Variants in ARNT observed in about 807,000 individuals in gnomAD.
ARNT encodes the protein class E basic helix-loop-helix protein 2.
A neutral mutation model predicts 105.0 loss-of-function variants in ARNT; 30 were observed. The observed-to-expected ratio is 0.29, with a 90% CI of 0.21 to 0.39. The LOEUF (loss-of-function observed/expected upper bound fraction) is 0.39, where lower values mean the gene tolerates loss of function less well. ARNT is among the 10% of genes least tolerant of loss of function. The probability of loss-of-function intolerance (pLI) is 1.00; values close to 1 mark genes in which losing one functional copy is unlikely to be tolerated. For missense variants in ARNT, 748 were observed against 978.7 expected (o/e 0.76, Z 3.15); for synonymous variants, 304 against 344.0 (o/e 0.88, Z 1.29).
At chr1:150,820,371 A>G (rs1656795354) in intron 14 of ARNT, among the ~76,000 whole-genome samples, 1 of 152,220 alleles carries the variant, frequency 6.6e-6, no homozygotes, top group African/African-American at 2.4e-5. Flanking sequence ...TGTTTGTAAA[A>G]TCTTACTCTG....
At chr1:150,834,778 G>C (rs987611171) in intron 7 of ARNT, 138 bp from the exon 8 acceptor site, 2 of 600,882 alleles carry the variant, frequency 3.3e-6, no homozygotes, top group African/African-American at 1.8e-5. Flanking sequence ...TGACCAAGCA[G>C]GAGATGAATT....
intron 1 of ARNT, among the ~76,000 whole-genome samples, chr1:150,873,337 CAT>C (rs1472086374): frequency 6.6e-6 from 1 of 151,498 alleles, no homozygotes; most frequent in Non-Finnish European, 1.5e-5. Flanking sequence ...TTGTCTAGTC[CAT>C]AGATAAGAAA....
At chr1:150,820,841 G>C (rs951667748) in intron 14 of ARNT, among the ~76,000 whole-genome samples, 2 of 152,146 alleles carry the variant, frequency 1.3e-5, no homozygotes, top group African/African-American at 2.4e-5. Flanking sequence ...CCCAACATTG[G>C]AAAATGCCTA....
intron 1 of ARNT, chr1:150,861,388 G>C (rs1665609203): frequency 6.6e-6 from 2 of 301,520 alleles, no homozygotes; most frequent in Non-Finnish European, 1.3e-5. Context: ...CCACCTCTGG[G>C]TATATACCTG....
chr1:150,829,377 G>C, intron 11 of ARNT, 150 bp from the exon 12 acceptor site: 1 of 814,366 alleles, frequency 1.2e-6, no homozygotes, highest in Non-Finnish European at 1.9e-6. Context: ...AAAAAAAAAT[G>C]ACAATCACAA....
At chr1:150,835,552 T>C (rs1660164264) in intron 7 of ARNT, among the ~76,000 whole-genome samples, 1 of 152,150 alleles carries the variant, frequency 6.6e-6, no homozygotes, top group African/African-American at 2.4e-5. Flanking sequence ...CAGTAAGCTA[T>C]GATGTGCCAC....
chr1:150,816,397 G>A lies in ARNT; in HGVS notation c.1812C>T (p.Gly604=). Residue 604 remains glycine, a synonymous_variant, in exon 19 of 22, where the codon GGC becomes GGT. Transcript: ENST00000358595. ...PRPAENFRNS[G]LAPPVTIVQP... ...GGACAATGGTTACAGGAGGGGCTAG[G>A]CCACTATTCCTAGGAGTGAATAAAT... 1 of 1,604,554 alleles carries A rather than the reference G, an allele frequency of 6.2e-7. No individual in the cohort carries two copies. Among genetic ancestry groups the A allele is most frequent in the Non-Finnish European group, 8.5e-7 (1 of 1,177,470 alleles).
chr1:150,860,360 C>T (rs1305319755), intron 1 of ARNT, among the ~76,000 whole-genome samples: 1 of 150,802 alleles, frequency 6.6e-6, no homozygotes, highest in Non-Finnish European at 1.5e-5. Flanking sequence ...GGATTACAGG[C>T]ACGCACCACC....
At chr1:150,851,271 T>A (rs1557928614) in intron 3 of ARNT, among the ~76,000 whole-genome samples, 2 of 146,690 alleles carry the variant, frequency 1.4e-5, no homozygotes, top group African/African-American at 2.6e-5. Flanking sequence ...CGCCGCCCCG[T>A]CCGGGAGGTG....
chr1:150,865,483 C>G (rs1666413689), intron 1 of ARNT, among the ~76,000 whole-genome samples: 1 of 152,158 alleles, frequency 6.6e-6, no homozygotes, highest in East Asian at 1.9e-4. Flanking sequence ...CCAGGTAACT[C>G]TGGGTATGCA....
chr1:150,838,414 C>T (rs1199859172), intron 6 of ARNT, among the ~76,000 whole-genome samples: 2 of 152,176 alleles, frequency 1.3e-5, no homozygotes, highest in South Asian at 2.1e-4. Flanking sequence ...TTCTATTTCT[C>T]ACAGCACAAC....
chr1:150,810,190 A>G lies in ARNT; in HGVS notation c.*1831T>C, dbSNP rs1292611006. The stretch of plus-strand genomic sequence containing the variant: ...TAGCACAGATGCCAGCAATACAGAA[A>G]TGGCCAACAAGAAAACAAAACAGTC... On this transcript the variant is annotated 3_prime_UTR_variant, in exon 22 of 22. Transcript: ENST00000358595. The G allele has an allele frequency of 4.3e-6, 1 of 231,468 alleles. No individual in the cohort carries two copies. The highest frequency in any genetic ancestry group is 2.2e-5 in the African/African-American group (1 of 45,188). The allele number at this position is 231,468 out of a possible 1,614,324, so 14.3% of individuals were successfully genotyped here.
At chr1:150,834,928 C>A in intron 7 of ARNT, 1 of 337,392 alleles carries the variant, frequency 3.0e-6, no homozygotes, top group Non-Finnish European at 5.8e-6. Flanking sequence ...GCTATATTCT[C>A]ATAGCTGATT....
intron 4 of ARNT, among the ~76,000 whole-genome samples, chr1:150,843,404 A>T (rs1661614962): frequency 6.6e-6 from 1 of 152,252 alleles, no homozygotes; most frequent in South Asian, 2.1e-4. Context: ...TAAGTATGAC[A>T]GGTTAACAAG....
At chr1:150,860,496 A>G (rs1358836334) in intron 1 of ARNT, among the ~76,000 whole-genome samples, 1 of 151,670 alleles carries the variant, frequency 6.6e-6, no homozygotes, top group African/African-American at 2.4e-5. Flanking sequence ...GATTACAGGC[A>G]TGAGCCACCG....
Position 150,839,478 on chromosome 1 carries a change from G to A in ARNT, c.449C>T (p.Thr150Ile), listed in dbSNP as rs369482161. 1 of 1,614,208 alleles carries A rather than the reference G, an allele frequency of 6.2e-7. No individual in the cohort carries two copies. The highest frequency in any genetic ancestry group is 1.6e-4 in the Middle Eastern group (1 of 6,062). The change falls in exon 6 of 22, where the codon ACT becomes ATT. Residue 150 changes from threonine (T) to isoleucine (I), a missense_variant. Physicochemically the swap from Thr to Ile is moderately conservative, Grantham distance 89. Around this residue, in one of 4 missense-constraint regions of ARNT, gnomAD observed 291 missense variants for 444.6 expected, o/e 0.65. Coordinates refer to ENST00000358595, the MANE Select transcript of ARNT (RefSeq NM_001668.4). ...GAAAGACGGCTTATAGGAGCCATCA[G>A]TGGATGTGTTGCCAGTTCCCCGCAA... ...KSLRGTGNTS[T>I]DGSYKPSFLT...
At chr1:150,855,281 G>A (rs1220458418) in intron 2 of ARNT, among the ~76,000 whole-genome samples, 12 of 152,176 alleles carry the variant, frequency 7.9e-5, no homozygotes, top group African/African-American at 1.9e-4. Flanking sequence ...ATGGCTGTGC[G>A]CAGTGGCTCA....
intron 19 of ARNT, among the ~76,000 whole-genome samples, chr1:150,814,494 T>C (rs1185737861): frequency 6.6e-6 from 1 of 152,228 alleles, no homozygotes; most frequent in Non-Finnish European, 1.5e-5. Context: ...GAAAGCATCT[T>C]ATAAACTGTG....
chr1:150,840,987 C>T (rs1342523575), intron 5 of ARNT, among the ~76,000 whole-genome samples: 9 of 122,208 alleles, frequency 7.4e-5, no homozygotes, highest in Non-Finnish European at 1.3e-4. Flanking sequence ...CTTGCTCTGT[C>T]ACCCAGGCTG....
Sources: gnomAD v4.1 joint callset for allele counts (sites outside exome capture counted in the v4.1 genomes callset) on GRCh38, gnomAD v4.1.1 for gene constraint, gnomAD v4.1.1 regional missense constraint, MANE v1.5 for transcripts, NCBI Gene and HGNC (gene_info 2026-07-23, HGNC 2026-07-21) for gene names.